CCDC191: variants seen among roughly 807,000 people sequenced by gnomAD.
CCDC191 encodes the protein coiled-coil domain-containing protein 191.
In CCDC191, 99 loss-of-function variants were observed where a neutral mutation model predicts 114.0. The observed-to-expected ratio is 0.87, with a 90% CI of 0.74 to 1.03. CCDC191 has a LOEUF of 1.03. Among genes scored for constraint, CCDC191 ranks in the 50% least tolerant of loss-of-function variants. CCDC191 has a pLI of 0.00. For missense variants in CCDC191, 973 were observed against 1,087.0 expected (o/e 0.90, Z 1.47); for synonymous variants, 351 against 376.0 (o/e 0.93, Z 0.77).
chr3:114,055,205 CTG>C (rs1183422487), intron 1 of CCDC191, among the ~76,000 whole-genome samples: 1 of 152,178 alleles, frequency 6.6e-6, no homozygotes, highest in East Asian at 1.9e-4. Context: ...TAAAATACAA[CTG>C]AACTTGAAGA....
intron 16 of CCDC191, among the ~76,000 whole-genome samples, chr3:113,977,158 G>A (rs995570758): frequency 6.6e-6 from 1 of 152,154 alleles, no homozygotes; most frequent in Non-Finnish European, 1.5e-5. Context: ...TTAGCCGGGT[G>A]TCGTGGTGTG....
chr3:113,975,656 TGGATAGAC>T (rs1353875658), intron 16 of CCDC191, among the ~76,000 whole-genome samples: 2 of 152,210 alleles, frequency 1.3e-5, no homozygotes, highest in African/African-American at 4.8e-5. Flanking sequence ...GGCAGTTTAA[TGGATAGAC>T]AGTGATGCAA....
At chr3:114,012,472 T>A (rs1048955954) in intron 8 of CCDC191, among the ~76,000 whole-genome samples, 2 of 152,256 alleles carry the variant, frequency 1.3e-5, no homozygotes, top group Admixed American at 1.3e-4. Context: ...CATTTATGTA[T>A]GTTTTACTTT....
At chr3:114,041,335 A>G (rs1337769818) in intron 4 of CCDC191, among the ~76,000 whole-genome samples, 1 of 152,238 alleles carries the variant, frequency 6.6e-6, no homozygotes, top group Non-Finnish European at 1.5e-5. Flanking sequence ...ACATAGAACT[A>G]TATGAGTGGT....
chr3:114,034,602 G>A (rs1227022899), intron 6 of CCDC191, among the ~76,000 whole-genome samples: 1 of 152,078 alleles, frequency 6.6e-6, no homozygotes, highest in Non-Finnish European at 1.5e-5. Context: ...ACCAGTATGG[G>A]GAGGTGGTCA....
Position 113,978,852 on chromosome 3 carries a change from C to T in CCDC191, c.2460+6G>A. The stretch of plus-strand genomic sequence containing the variant: ...GTATTTAAGGTACCCTTCCCTATGT[C>T]CTTACCTGTAGCCAGCTCTGGATGA... On this transcript the variant is annotated splice_donor_region_variant and intron_variant, in intron 15 of 16. Coordinates refer to ENST00000295878, the MANE Select transcript of CCDC191 (RefSeq NM_020817.2). 1 of 1,613,564 alleles carries T rather than the reference C, an allele frequency of 6.2e-7. No individual in the cohort carries two copies. Among genetic ancestry groups the T allele is most frequent in the Non-Finnish European group, 8.5e-7 (1 of 1,179,668 alleles).
At chr3:114,006,260 C>T (rs1033818019) in intron 9 of CCDC191, among the ~76,000 whole-genome samples, 1 of 151,946 alleles carries the variant, frequency 6.6e-6, no homozygotes, top group East Asian at 1.9e-4. Flanking sequence ...ATCAGCCTGG[C>T]CAACATGGTG....
chr3:113,979,596 G>A (rs1177727664), intron 14 of CCDC191, among the ~76,000 whole-genome samples: 1 of 152,106 alleles, frequency 6.6e-6, no homozygotes, highest in Non-Finnish European at 1.5e-5. Context: ...AAAAGTAACT[G>A]TTATATTCTT....
upstream of CCDC191, chr3:114,056,564 C>G (rs1345833676): frequency 8.7e-6 from 14 of 1,604,136 alleles, no homozygotes; most frequent in Non-Finnish European, 1.1e-5. Context: ...TTCCTCCGCC[C>G]GCAAGGAAAG....
chr3:113,973,714 A>G (rs1941051663), intron 16 of CCDC191, among the ~76,000 whole-genome samples: 1 of 149,552 alleles, frequency 6.7e-6, no homozygotes, highest in African/African-American at 2.5e-5. Flanking sequence ...ATTATATGTT[A>G]TTTGCCTCTT....
upstream of CCDC191, chr3:114,056,575 C>A: frequency 6.2e-7 from 1 of 1,600,246 alleles, no homozygotes. Flanking sequence ...GCAAGGAAAG[C>A]AGGCATAGGA....
chr3:113,995,896 CAT>C (rs375019153), intron 13 of CCDC191, among the ~76,000 whole-genome samples: 33 of 152,252 alleles, frequency 2.2e-4, no homozygotes, highest in African/African-American at 5.5e-4. Context: ...GCTTTTTTCT[CAT>C]ATGTTTTTTG....
In CCDC191 at chr3:114,002,553, CAG is replaced by C. The variant is rs1559898434; in HGVS notation, c.1979-17_1979-16del. 1.3e-6 allele frequency: 2 copies of C among 1,580,016 alleles called. No individual in the cohort carries two copies. Among genetic ancestry groups the C allele is most frequent in the South Asian group, 2.3e-5 (2 of 86,046 alleles). On this transcript the variant is annotated splice_polypyrimidine_tract_variant and intron_variant, in intron 11 of 16. Coordinates refer to ENST00000295878, the MANE Select transcript of CCDC191 (RefSeq NM_020817.2). ...CTCTTCCATAGCTAGAAAATAGTAACAGAGTTCTAATATTTTTTATATTGAAA... is the reference window on the plus strand; with the variant it reads ...CTCTTCCATAGCTAGAAAATAGTAACAGTTCTAATATTTTTTATATTGAAA...
intron 14 of CCDC191, among the ~76,000 whole-genome samples, chr3:113,980,253 CA>C (rs2075097259): frequency 6.6e-6 from 1 of 152,158 alleles, no homozygotes. Context: ...GGCCCACAGA[CA>C]TATGAGTGAG....
At chr3:114,026,389 C>G (rs1339963300) in intron 7 of CCDC191, among the ~76,000 whole-genome samples, 1 of 152,226 alleles carries the variant, frequency 6.6e-6, no homozygotes, top group Non-Finnish European at 1.5e-5. Flanking sequence ...AAGACATATA[C>G]CACACATTGC....
intron 3 of CCDC191, among the ~76,000 whole-genome samples, chr3:114,045,819 G>T (rs766402249): frequency 6.6e-6 from 1 of 152,098 alleles, no homozygotes; most frequent in Non-Finnish European, 1.5e-5. Flanking sequence ...GCTCCTTGCT[G>T]ACTCAGGTCT....
At chr3:113,990,052 G>A (rs572921139) in intron 13 of CCDC191, among the ~76,000 whole-genome samples, 67 of 152,148 alleles carry the variant, frequency 4.4e-4, no homozygotes, top group Non-Finnish European at 8.5e-4. Flanking sequence ...TAGGAAACTA[G>A]AGGAAGAGAG....
rs184187904 is a variant in CCDC191, at chr3:113,993,664, C to T, written c.2163+7931G>A. 4.6e-3 allele frequency among the ~76,000 whole-genome samples: 696 copies of T among 152,040 alleles called. 7 individuals are homozygous for T. Among genetic ancestry groups the T allele is most frequent in the African/African-American group, 0.016 (664 of 41,464 alleles). On this transcript the variant is annotated intron_variant, in intron 13 of 16. Transcript: ENST00000295878. ...CTTTGGCAGGCTGAGGTGGGTGGAT[C>T]ACTTGAGGTCAGGAGTTTGAGACCA...
At chr3:114,027,623 GAAAA>G in intron 7 of CCDC191, among the ~76,000 whole-genome samples, 1 of 123,796 alleles carries the variant, frequency 8.1e-6, no homozygotes, top group East Asian at 2.3e-4. Context: ...AAAAAAAAAA[GAAAA>G]AAAAATCCAG....
Sources: gnomAD v4.1 joint callset for allele counts (sites outside exome capture counted in the v4.1 genomes callset) on GRCh38, gnomAD v4.1.1 for gene constraint, MANE v1.5 for transcripts, NCBI Gene and HGNC (gene_info 2026-07-23, HGNC 2026-07-21) for gene names.